The following GLRA2 variants were observed in gnomAD, a reference collection of about 807,000 sequenced individuals.
GLRA2 encodes the protein glycine receptor subunit alpha-2.
In GLRA2, 11 loss-of-function variants were observed where a neutral mutation model predicts 31.6. That is an observed-to-expected ratio of 0.35 (90% CI 0.22 to 0.58). GLRA2 has a LOEUF of 0.58. GLRA2 is among the 20% of genes least tolerant of loss of function. GLRA2 has a pLI of 0.84. For synonymous variants in GLRA2, 132 were observed against 134.0 expected, an observed-to-expected ratio of 0.99 and a Z score of 0.10; for missense variants, 212 against 351.8, an observed-to-expected ratio of 0.60 and a Z score of 3.18.
At chrX:14,630,862 C>G (rs962475114) in intron 7 of GLRA2, among the ~76,000 whole-genome samples, 1 of 103,208 alleles carries the variant, frequency 9.7e-6, no homozygotes, top group African/African-American at 3.6e-5. Context: ...AACGTGTGGG[C>G]GGTCTCTGCT....
chrX:14,638,325 C>T (rs1204980305), intron 7 of GLRA2, among the ~76,000 whole-genome samples: 2 of 110,933 alleles, frequency 1.8e-5, no homozygotes, highest in East Asian at 5.6e-4. Context: ...TTCAAAAAAA[C>T]CTATTTTCAT....
rs765958715 is a variant in GLRA2, at chrX:14,589,717, T to C, written c.494+8311T>C. Among the ~76,000 whole-genome samples, 270 of 107,126 alleles carry C rather than the reference T, an allele frequency of 2.5e-3. 1 individual carries two copies. Among genetic ancestry groups the C allele is most frequent in the African/African-American group, 8.5e-3 (252 of 29,819 alleles). The allele number at this position is 107,126 out of a possible 115,157, so 93.0% of individuals were successfully genotyped here. ...TGTATAGTGTATATATATACACACA[T>C]ATATGTGTGTGTATATATATGTGTA... is the stretch of plus-strand genomic sequence containing the variant. On this transcript the variant is annotated intron_variant, in intron 4 of 8. Transcript: ENST00000218075.
At chrX:14,714,638 G>A (rs895572442) in intron 8 of GLRA2, among the ~76,000 whole-genome samples, 1 of 111,653 alleles carries the variant, frequency 9.0e-6, no homozygotes, top group African/African-American at 3.3e-5. Flanking sequence ...CACTACTGGG[G>A]GTGAAGTCTG....
At chrX:14,459,828 T>A in the GLRA2 span, among the ~76,000 whole-genome samples, 4 of 112,077 alleles carry the variant, frequency 3.6e-5, no homozygotes, top group Non-Finnish European at 7.5e-5. Flanking sequence ...CAGAGACAAT[T>A]TGACTTTCTC....
chrX:14,581,138 C>A (rs1219503672), intron 3 of GLRA2, 45 bp from the exon 4 acceptor site: 8 of 769,069 alleles, frequency 1.0e-5, no homozygotes, highest in Non-Finnish European at 1.6e-5. Context: ...AATAGAACTC[C>A]TGTGCCAGGG....
the GLRA2 span, among the ~76,000 whole-genome samples, chrX:14,466,587 G>A: frequency 1.0e-5 from 1 of 97,525 alleles, no homozygotes; most frequent in South Asian, 4.3e-4. Context: ...TACCTCACAG[G>A]GATTTTTTTT....
intron 7 of GLRA2, among the ~76,000 whole-genome samples, chrX:14,634,011 C>T (rs915031716): frequency 6.3e-5 from 7 of 111,668 alleles, no homozygotes; most frequent in South Asian, 3.8e-4. Context: ...TGCAATAGTA[C>T]GATCTTGGCT....
chrX:14,455,333 A>G, the GLRA2 span, among the ~76,000 whole-genome samples: 279 of 111,950 alleles, frequency 2.5e-3, no homozygotes, highest in African/African-American at 8.7e-3. Context: ...AACGAGTGTC[A>G]GCATGATTTC....
At chrX:14,535,389 A>G (rs1023782187) in intron 2 of GLRA2, among the ~76,000 whole-genome samples, 1 of 111,911 alleles carries the variant, frequency 8.9e-6, no homozygotes. Flanking sequence ...CATAATGGGC[A>G]TATATATAAG....
At chrX:14,579,542 C>T (rs2089993696) in intron 3 of GLRA2, among the ~76,000 whole-genome samples, 2 of 111,400 alleles carry the variant, frequency 1.8e-5, no homozygotes, top group South Asian at 7.6e-4. Context: ...GCTGGCCAGG[C>T]TGGTCTCGAA....
At chrX:14,612,241 C>T (rs2090406468) in intron 7 of GLRA2, among the ~76,000 whole-genome samples, 1 of 111,883 alleles carries the variant, frequency 8.9e-6, no homozygotes, top group South Asian at 3.7e-4. Flanking sequence ...CATCACTGGT[C>T]ATTAGAGAAA....
At chrX:14,606,387 A>G (rs2090334691) in intron 5 of GLRA2, among the ~76,000 whole-genome samples, 1 of 111,551 alleles carries the variant, frequency 9.0e-6, no homozygotes, top group Admixed American at 9.6e-5. Flanking sequence ...TTGGATTACC[A>G]AACTGATAAC....
In GLRA2 at chrX:14,720,781, C is replaced by T. The variant is rs1215154134; in HGVS notation, c.1081-9426C>T. On this transcript the variant is annotated intron_variant, in intron 8 of 8. Coordinates refer to ENST00000218075, the MANE Select transcript of GLRA2 (RefSeq NM_002063.4). The stretch of plus-strand genomic sequence containing the variant: ...AAAAGATTAGGAGTCTAAAGACCTC[C>T]TTTCATTTTATACTATCTTTGTTGT... 7.2e-5 allele frequency among the ~76,000 whole-genome samples: 8 copies of T among 111,775 alleles called. No homozygotes were observed. In the Admixed American group the frequency reaches 7.6e-4, roughly 11 times the overall value.
intron 7 of GLRA2, among the ~76,000 whole-genome samples, chrX:14,629,827 C>T (rs2090624535): frequency 9.0e-6 from 1 of 111,703 alleles, no homozygotes; most frequent in South Asian, 3.7e-4. Flanking sequence ...TATATCCCTT[C>T]TCATATAGTA....
In GLRA2 at chrX:14,534,538, G is replaced by C. The variant is rs3027321; in HGVS notation, c.202+2166G>C. Reference sequence around the variant, plus strand: ...AATAATTTTTTCTTGATGTTCCCATGGAATTTTATATGTCTAATATGATCC... The same window carrying C: ...AATAATTTTTTCTTGATGTTCCCATCGAATTTTATATGTCTAATATGATCC... On this transcript the variant is annotated intron_variant, in intron 2 of 8. Coordinates refer to ENST00000218075, the MANE Select transcript of GLRA2 (RefSeq NM_002063.4). 7.9e-3 allele frequency among the ~76,000 whole-genome samples: 873 copies of C among 110,442 alleles called. 9 individuals are homozygous for C. The highest frequency in any genetic ancestry group is 0.026 in the African/African-American group (800 of 30,552).
intron 2 of GLRA2, among the ~76,000 whole-genome samples, chrX:14,547,119 G>A (rs1034289091): frequency 4.5e-5 from 5 of 111,176 alleles, no homozygotes; most frequent in Non-Finnish European, 7.6e-5. Flanking sequence ...TGATGTGGCA[G>A]GTGCAAAGAA....
At chrX:14,518,911 C>G in the GLRA2 span, among the ~76,000 whole-genome samples, 4 of 101,956 alleles carry the variant, frequency 3.9e-5, no homozygotes, top group African/African-American at 1.4e-4. Flanking sequence ...ACTTGGGAGG[C>G]TGAGGCAGGA....
chrX:14,495,856 A>T, the GLRA2 span, among the ~76,000 whole-genome samples: 3 of 110,695 alleles, frequency 2.7e-5, no homozygotes, highest in Non-Finnish European at 3.8e-5. Context: ...ATGCCTAATG[A>T]TACCTCAGGG....
At chrX:14,474,281 C>T in the GLRA2 span, among the ~76,000 whole-genome samples, 18 of 111,507 alleles carry the variant, frequency 1.6e-4, no homozygotes, top group Admixed American at 2.9e-4. Context: ...CTCTACCCAG[C>T]AGAGATTTAT....
Sources: allele counts gnomAD v4.1 joint callset (sites outside exome capture counted in the v4.1 genomes callset), GRCh38; gene constraint gnomAD v4.1.1; transcripts MANE v1.5; gene names NCBI Gene and HGNC (gene_info 2026-07-23, HGNC 2026-07-21).